The following C12orf56 variants were observed in gnomAD, a reference collection of about 807,000 sequenced individuals.
C12orf56 encodes uncharacterized protein C12orf56.
Under a neutral mutation model 69.9 loss-of-function variants are expected in C12orf56, and 71 were observed. That is an observed-to-expected ratio of 1.02 (90% CI 0.84 to 1.24). C12orf56 has a LOEUF of 1.24. Among genes scored for constraint, C12orf56 ranks in the 50% most tolerant of loss-of-function variants. The pLI is 0.00. For synonymous variants in C12orf56, 276 were observed against 274.1 expected (o/e 1.01, Z -0.07); for missense variants, 732 against 738.5 (o/e 0.99, Z 0.10).
chr12:64,275,230 A>G, intron 10 of C12orf56, 68 bp downstream of exon 10: 1 of 711,226 alleles, frequency 1.4e-6, no homozygotes, highest in Non-Finnish European at 2.2e-6. Context: ...CATATATCAT[A>G]ATATATAATA....
intron 6 of C12orf56, among the ~76,000 whole-genome samples, chr12:64,287,258 AAAAAAG>A (rs1483638308): frequency 0.067 from 8,764 of 129,986 alleles, 215 homozygotes; most frequent in Non-Finnish European, 0.1. Flanking sequence ...AAAAAAAAAA[AAAAAAG>A]AAGAAGAAGA....
At chr12:64,315,452 T>G (rs1005536222) in intron 4 of C12orf56, among the ~76,000 whole-genome samples, 1 of 152,138 alleles carries the variant, frequency 6.6e-6, no homozygotes, top group Non-Finnish European at 1.5e-5. Context: ...AATTACCACA[T>G]TTCATCTTTA....
chr12:64,279,555 T>G (rs926892251), intron 8 of C12orf56, among the ~76,000 whole-genome samples: 5 of 152,170 alleles, frequency 3.3e-5, no homozygotes, highest in Non-Finnish European at 7.3e-5. Context: ...AGGGTGAGTA[T>G]AAATACCCTT....
At chr12:64,277,619 G>T in intron 9 of C12orf56, 61 bp downstream of exon 9, 7 of 1,075,564 alleles carry the variant, frequency 6.5e-6, no homozygotes, top group Non-Finnish European at 8.2e-6. Flanking sequence ...CACATTAAAA[G>T]AAGCCAGGGC....
At chr12:64,389,706 A>C (rs2039842397) in intron 1 of C12orf56, among the ~76,000 whole-genome samples, 1 of 152,162 alleles carries the variant, frequency 6.6e-6, no homozygotes, top group Admixed American at 6.5e-5. Flanking sequence ...CATGTTGGCC[A>C]GCCTGGTCTC....
chr12:64,285,813 A>G (rs1451800605), intron 7 of C12orf56, 141 bp downstream of exon 7: 1 of 440,158 alleles, frequency 2.3e-6, no homozygotes, highest in Non-Finnish European at 3.9e-6. Context: ...AATAAATAAA[A>G]ATAAAAATAA....
At chr12:64,323,474 A>C (rs541118723) in intron 3 of C12orf56, among the ~76,000 whole-genome samples, 9 of 151,908 alleles carry the variant, frequency 5.9e-5, no homozygotes, top group Non-Finnish European at 1.2e-4. Flanking sequence ...AATTCCAATA[A>C]ATTCCCTTTT....
intron 1 of C12orf56, among the ~76,000 whole-genome samples, chr12:64,371,901 TTC>T (rs1483738971): frequency 2.0e-4 from 27 of 136,388 alleles, no homozygotes; most frequent in African/African-American, 8.7e-4. Flanking sequence ...TGGCAATGAT[TTC>T]TTTTTTTTTT....
At chr12:64,384,658 T>C (rs1363290733) in intron 1 of C12orf56, among the ~76,000 whole-genome samples, 2 of 152,134 alleles carry the variant, frequency 1.3e-5, no homozygotes, top group African/African-American at 2.4e-5. Context: ...CAAGGGCTGC[T>C]GGAGTTGACA....
chr12:64,362,950 C>T (rs762843262), intron 1 of C12orf56, among the ~76,000 whole-genome samples: 1 of 152,084 alleles, frequency 6.6e-6, no homozygotes, highest in Admixed American at 6.5e-5. Flanking sequence ...AACCAGAGGT[C>T]ACCTCATCGC....
At chr12:64,302,950 AC>A (rs2038465223) in intron 6 of C12orf56, among the ~76,000 whole-genome samples, 1 of 152,136 alleles carries the variant, frequency 6.6e-6, no homozygotes, top group African/African-American at 2.4e-5. Context: ...AGACTGGGCA[AC>A]AGAGTGAGAC....
chr12:64,360,200 C>A (rs938129509), intron 1 of C12orf56, among the ~76,000 whole-genome samples: 2 of 151,840 alleles, frequency 1.3e-5, no homozygotes, highest in Non-Finnish European at 2.9e-5. Flanking sequence ...CTGAGGCCAG[C>A]GATTGCATGA....
Position 64,286,044 on chromosome 12 carries a change from T to A in C12orf56, c.1130A>T (p.Tyr377Phe), listed in dbSNP as rs749920039. The A allele has an allele frequency of 1.9e-6, 3 of 1,602,962 alleles. No homozygotes were observed. The highest frequency in any genetic ancestry group is 2.6e-6 in the Non-Finnish European group (3 of 1,172,420). ...RLFWKTSDLF[Y>F]FIVNKLHEYL... ...CTCATGAAGTTTGTTTACTATGAAATAGAAAAGGTCACTGGTCTGTGAAAG... is the reference window on the plus strand; with the variant it reads ...CTCATGAAGTTTGTTTACTATGAAAAAGAAAAGGTCACTGGTCTGTGAAAG... The change falls in exon 7 of 13, where the codon TAT becomes TTT. Residue 377 changes from tyrosine to phenylalanine, a missense_variant. Physicochemically the swap from Tyr to Phe is conservative, Grantham distance 22. Transcript: ENST00000543942.
intron 1 of C12orf56, among the ~76,000 whole-genome samples, chr12:64,379,044 C>A (rs2039677487): frequency 7.4e-6 from 1 of 135,396 alleles, no homozygotes; most frequent in African/African-American, 3.0e-5. Flanking sequence ...GGAATGAAAC[C>A]CTGTCTCAAA....
chr12:64,289,248 G>A (rs1235977288), intron 6 of C12orf56, among the ~76,000 whole-genome samples: 3 of 85,208 alleles, frequency 3.5e-5, no homozygotes, highest in Non-Finnish European at 8.1e-5. Flanking sequence ...AGGAGATTTT[G>A]GGCTGAAACA....
chr12:64,362,617 G>T (rs1200630125), intron 1 of C12orf56, among the ~76,000 whole-genome samples: 1 of 152,040 alleles, frequency 6.6e-6, no homozygotes, highest in Non-Finnish European at 1.5e-5. Flanking sequence ...AGTTCAACCT[G>T]GGGGGCAGAG....
chr12:64,281,980 G>A (rs2038134964), intron 8 of C12orf56, among the ~76,000 whole-genome samples: 1 of 152,208 alleles, frequency 6.6e-6, no homozygotes, highest in Non-Finnish European at 1.5e-5. Flanking sequence ...TAATTTTAAT[G>A]TGGGAGAAGA....
intron 8 of C12orf56, among the ~76,000 whole-genome samples, chr12:64,283,560 G>T (rs1164289006): frequency 6.6e-6 from 1 of 152,028 alleles, no homozygotes; most frequent in African/African-American, 2.4e-5. Flanking sequence ...GTGGCCATGT[G>T]CCTGAAGTTC....
chr12:64,331,981 C>G (rs192624330), intron 2 of C12orf56, among the ~76,000 whole-genome samples: 2 of 151,496 alleles, frequency 1.3e-5, no homozygotes, highest in East Asian at 3.9e-4. Flanking sequence ...AAAGACTTTG[C>G]TCCTTCCATG....
Sources: gnomAD v4.1 joint callset for allele counts (sites outside exome capture counted in the v4.1 genomes callset) on GRCh38, gnomAD v4.1.1 for gene constraint, MANE v1.5 for transcripts, NCBI Gene and HGNC (gene_info 2026-07-23, HGNC 2026-07-21) for gene names.